NALF1: variants seen among roughly 807,000 people sequenced by gnomAD.
NALF1 encodes NALCN channel auxiliary factor 1.
Under a neutral mutation model 48.4 loss-of-function variants are expected in NALF1, and 3 were observed. The ratio of observed to expected loss-of-function variants is 0.06; its 90% CI spans 0.03 to 0.16. The LOEUF is 0.16. Ranked by LOEUF, NALF1 falls within the 10% of genes least tolerant of loss-of-function variation. The pLI, the probability that NALF1 is intolerant of heterozygous loss-of-function variation, is 1.00. For missense variants in NALF1, 526 were observed against 571.5 expected, an observed-to-expected ratio of 0.92 and a Z score of 0.81; for synonymous variants, 262 against 245.7, an observed-to-expected ratio of 1.07 and a Z score of -0.62.
chr13:107,647,533 C>T (rs1880345360), intron 1 of NALF1, among the ~76,000 whole-genome samples: 1 of 150,720 alleles, frequency 6.6e-6, no homozygotes, highest in African/African-American at 2.4e-5. Context: ...GGCAGAATTG[C>T]AAACATAACA....
intron 1 of NALF1, among the ~76,000 whole-genome samples, chr13:107,517,736 T>C (rs1218341242): frequency 6.6e-6 from 1 of 152,012 alleles, no homozygotes; most frequent in African/African-American, 2.4e-5. Flanking sequence ...AGGTGGATTA[T>C]CTGAGGTCAG....
chr13:107,768,784 T>G (rs1034284595), intron 1 of NALF1, among the ~76,000 whole-genome samples: 9 of 152,100 alleles, frequency 5.9e-5, no homozygotes, highest in Admixed American at 5.9e-4. Flanking sequence ...TTTCGCAACC[T>G]ACTCATCTGA....
intron 1 of NALF1, among the ~76,000 whole-genome samples, chr13:107,727,068 C>T (rs1876178994): frequency 6.6e-6 from 1 of 151,912 alleles, no homozygotes; most frequent in Non-Finnish European, 1.5e-5. Context: ...CCTTGGCCTC[C>T]CAAAGTGCTG....
At chr13:107,276,187 TGAG>T (rs1027615772) in intron 1 of NALF1, among the ~76,000 whole-genome samples, 15 of 152,124 alleles carry the variant, frequency 9.9e-5, no homozygotes, top group Non-Finnish European at 1.8e-4. Flanking sequence ...AGAGATTACA[TGAG>T]GAGATCAATA....
intron 1 of NALF1, among the ~76,000 whole-genome samples, chr13:107,517,209 T>C (rs1308608017): frequency 1.3e-5 from 2 of 152,032 alleles, no homozygotes; most frequent in South Asian, 2.1e-4. Context: ...GTTTAAAATA[T>C]CAGAACATTT....
intron 1 of NALF1, among the ~76,000 whole-genome samples, chr13:107,504,578 G>A (rs937599411): frequency 4.6e-5 from 7 of 151,932 alleles, no homozygotes; most frequent in South Asian, 4.1e-4. Context: ...TCCTTTATTC[G>A]TTTCCATGTT....
chr13:107,587,578 G>A (rs1252739724), intron 1 of NALF1, among the ~76,000 whole-genome samples: 1 of 152,014 alleles, frequency 6.6e-6, no homozygotes, highest in East Asian at 1.9e-4. Context: ...GGATAAAAAC[G>A]CACTCTTATA....
intron 2 of NALF1, among the ~76,000 whole-genome samples, chr13:107,174,472 C>A (rs1878874433): frequency 6.6e-6 from 1 of 152,082 alleles, no homozygotes; most frequent in East Asian, 1.9e-4. Context: ...TCACCTGCCT[C>A]AGCCTCCCCA....
chr13:107,638,170 C>G (rs1287214719), intron 1 of NALF1, among the ~76,000 whole-genome samples: 1 of 68,182 alleles, frequency 1.5e-5, no homozygotes, highest in East Asian at 1.8e-3. Context: ...AGTATATATC[C>G]CTATCTATAT....
At chr13:107,862,043 C>A (rs1880585697) in intron 1 of NALF1, among the ~76,000 whole-genome samples, 1 of 152,156 alleles carries the variant, frequency 6.6e-6, no homozygotes, top group East Asian at 1.9e-4. Context: ...TGTGAGCATT[C>A]ATACATTCTT....
chr13:107,233,502 C>A (rs1210485260), intron 1 of NALF1, among the ~76,000 whole-genome samples: 1 of 152,142 alleles, frequency 6.6e-6, no homozygotes, highest in Non-Finnish European at 1.5e-5. Flanking sequence ...CTTTATCCAT[C>A]TTAATCTTCA....
At chr13:107,438,642 AAACAAAT>A (rs1566342450) in intron 1 of NALF1, among the ~76,000 whole-genome samples, 1 of 151,644 alleles carries the variant, frequency 6.6e-6, no homozygotes, top group Non-Finnish European at 1.5e-5. Flanking sequence ...TCTCTACTAA[AAACAAAT>A]AACAAAACAA....
intron 1 of NALF1, among the ~76,000 whole-genome samples, chr13:107,644,657 A>ATATATATATATATATATATATATATATG (rs879682183): frequency 6.5e-5 from 9 of 137,792 alleles, no homozygotes; most frequent in East Asian, 2.3e-4. Context: ...ATATATATAT[A>ATATATATATATATATATATATATATATG]TATATATATG....
chr13:107,228,780 C>T (rs1253549427), intron 1 of NALF1, among the ~76,000 whole-genome samples: 1 of 152,060 alleles, frequency 6.6e-6, no homozygotes, highest in African/African-American at 2.4e-5. Flanking sequence ...GCCACCACAC[C>T]CGGCTAATTT....
chr13:107,256,331 ATAAG>A lies in NALF1; in HGVS notation c.916-45580_916-45577del, dbSNP rs554877953. The stretch of plus-strand genomic sequence containing the variant: ...CTAACCCTGTGTTCAGTGATGCCAC[ATAAG>A]GAGCTTGAAGTCAGCCATAACGGGA... On this transcript the variant is annotated intron_variant, in intron 1 of 2. Transcript: ENST00000375915. Among the ~76,000 whole-genome samples the A allele has an allele frequency of 3.9e-5, 6 of 152,330 alleles. No individual in the cohort carries two copies. In the East Asian group the frequency reaches 1.2e-3, roughly 29 times the overall value.
chr13:107,165,014 G>T lies in NALF1; in HGVS notation c.*5483C>A, dbSNP rs1878630203. On this transcript the variant is annotated 3_prime_UTR_variant, in exon 3 of 3. Coordinates refer to ENST00000375915, the MANE Select transcript of NALF1 (RefSeq NM_001080396.3). ...ACGAAGTATTCTTCTTGCATGAGGT[G>T]TCACGTACAAATACATCATTGACCT... is the stretch of plus-strand genomic sequence containing the variant. The T allele has an allele frequency of 1.3e-5, 2 of 152,166 alleles. No homozygotes were observed. Among genetic ancestry groups the T allele is most frequent in the African/African-American group, 4.8e-5 (2 of 41,420 alleles). The allele number at this position is 152,166 out of a possible 1,614,324, so 9.4% of individuals were successfully genotyped here. A position where few individuals can be genotyped will look rare whatever the true frequency, so the allele number is the denominator to read the frequency against.
chr13:107,602,990 C>T (rs1566410849), intron 1 of NALF1, among the ~76,000 whole-genome samples: 1 of 152,174 alleles, frequency 6.6e-6, no homozygotes, highest in Non-Finnish European at 1.5e-5. Flanking sequence ...GCTCTCTTAA[C>T]ATAGACAGAC....
intron 1 of NALF1, among the ~76,000 whole-genome samples, chr13:107,760,119 C>A (rs1254336753): frequency 1.3e-5 from 2 of 152,146 alleles, no homozygotes; most frequent in Non-Finnish European, 2.9e-5. Flanking sequence ...GCAAGTTATG[C>A]CAGCCTTTGC....
At chr13:107,227,413 A>G (rs554719439) in intron 1 of NALF1, among the ~76,000 whole-genome samples, 9 of 152,342 alleles carry the variant, frequency 5.9e-5, no homozygotes, top group African/African-American at 2.2e-4. Flanking sequence ...TCCTTCTTTA[A>G]AAAATGTGTG....
Sources: allele counts gnomAD v4.1 joint callset (sites outside exome capture counted in the v4.1 genomes callset), GRCh38; gene constraint gnomAD v4.1.1; transcripts MANE v1.5; gene names NCBI Gene and HGNC (gene_info 2026-07-23, HGNC 2026-07-21).